The following FGGY variants were observed in gnomAD, a reference collection of about 807,000 sequenced individuals.
FGGY encodes the protein FGGY carbohydrate kinase domain-containing protein.
FGGY carries 72 observed loss-of-function variants against 71.3 expected under a neutral mutation model. That is an observed-to-expected ratio of 1.01 (90% CI 0.84 to 1.23). The LOEUF (loss-of-function observed/expected upper bound fraction) is 1.23, where lower values mean the gene tolerates loss of function less well. Among genes scored for constraint, FGGY ranks in the 50% most tolerant of loss-of-function variants. The pLI, the probability that FGGY is intolerant of heterozygous loss-of-function variation, is 0.00. For synonymous variants in FGGY, 251 were observed against 250.3 expected (o/e 1.00, Z -0.02); for missense variants, 668 against 682.3 (o/e 0.98, Z 0.23).
At chr1:59,418,357 T>G (rs2064828771) in intron 5 of FGGY, among the ~76,000 whole-genome samples, 1 of 152,194 alleles carries the variant, frequency 6.6e-6, no homozygotes, top group Non-Finnish European at 1.5e-5. Flanking sequence ...GAGAGGTTTA[T>G]TTTGCCAAGG....
intron 7 of FGGY, among the ~76,000 whole-genome samples, chr1:59,538,991 A>T (rs1393048766): frequency 6.6e-6 from 1 of 152,172 alleles, no homozygotes; most frequent in Non-Finnish European, 1.5e-5. Context: ...AACTTAAAGT[A>T]TAATAATAAT....
chr1:59,612,108 TA>T (rs369237745), intron 9 of FGGY, among the ~76,000 whole-genome samples: 169 of 152,248 alleles, frequency 1.1e-3, no homozygotes, highest in African/African-American at 4.0e-3. Context: ...CCAACCTAGC[TA>T]GGCAGACCAA....
At chr1:59,599,502 T>G (rs1283782301) in intron 8 of FGGY, among the ~76,000 whole-genome samples, 1 of 151,696 alleles carries the variant, frequency 6.6e-6, no homozygotes, top group Non-Finnish European at 1.5e-5. Flanking sequence ...CAAGACCACC[T>G]GGCCAACACT....
chr1:59,369,417 A>T (rs1395220908), intron 4 of FGGY, among the ~76,000 whole-genome samples: 1 of 152,230 alleles, frequency 6.6e-6, no homozygotes, highest in Non-Finnish European at 1.5e-5. Flanking sequence ...TGGAAGCTCA[A>T]CTGGGTGGAG....
At chr1:59,368,829 C>T (rs543575078) in intron 4 of FGGY, among the ~76,000 whole-genome samples, 159 of 152,112 alleles carry the variant, frequency 1.0e-3, no homozygotes, top group African/African-American at 3.8e-3. Context: ...TGGTGGCTCA[C>T]GCCTGTAATA....
chr1:59,755,649 AT>A (rs1341730823), intron 14 of FGGY: 1 of 152,248 alleles, frequency 6.6e-6, no homozygotes, highest in East Asian at 1.9e-4. Flanking sequence ...TTCTCAATTT[AT>A]TTTTAAAACA....
intron 5 of FGGY, among the ~76,000 whole-genome samples, chr1:59,399,422 C>T (rs543834742): frequency 4.5e-4 from 69 of 152,230 alleles, no homozygotes; most frequent in African/African-American, 1.5e-3. Flanking sequence ...TGATTATACT[C>T]ATTTTATAGA....
At chr1:59,753,011 T>A (rs937856043) in intron 14 of FGGY, among the ~76,000 whole-genome samples, 1 of 152,204 alleles carries the variant, frequency 6.6e-6, no homozygotes, top group African/African-American at 2.4e-5. Context: ...TAAAAAGCTT[T>A]CATTGTGTGG....
chr1:59,367,535 G>A (rs1358752901), intron 4 of FGGY, among the ~76,000 whole-genome samples: 1 of 152,196 alleles, frequency 6.6e-6, no homozygotes, highest in Non-Finnish European at 1.5e-5. Context: ...TTTGTTTACT[G>A]CTCACAGCAG....
chr1:59,694,374 T>C (rs907128208), intron 14 of FGGY, among the ~76,000 whole-genome samples: 9 of 152,092 alleles, frequency 5.9e-5, no homozygotes, highest in Admixed American at 5.2e-4. Flanking sequence ...AGGACCTCCA[T>C]AGTCAATGTC....
intron 1 of FGGY, chr1:59,310,101 A>C (rs1037588283): frequency 6.6e-6 from 1 of 152,122 alleles, no homozygotes; most frequent in Admixed American, 6.6e-5. Flanking sequence ...TCGCATGGAG[A>C]ATGGATTTTG....
intron 12 of FGGY, among the ~76,000 whole-genome samples, chr1:59,660,652 G>A (rs2097265936): frequency 6.6e-6 from 1 of 152,146 alleles, no homozygotes; most frequent in Non-Finnish European, 1.5e-5. Context: ...ACATTATATT[G>A]TTCACTTTGC....
At position 59,431,137 on chromosome 1, in the gene FGGY, C is replaced by G. The variant is rs545356907; in HGVS notation, c.555-25824C>G. On this transcript the variant is annotated intron_variant, in intron 5 of 15. Transcript: ENST00000303721. ...CTTTGCCTTTCCTCCAACTTCTCCCCCATGTCACCTACCTCCTCTTTTCTC... is the reference window on the plus strand; with the variant it reads ...CTTTGCCTTTCCTCCAACTTCTCCCGCATGTCACCTACCTCCTCTTTTCTC... 1.3e-3 allele frequency among the ~76,000 whole-genome samples: 203 copies of G among 152,300 alleles called. 1 individual carries two copies. Among genetic ancestry groups the G allele is most frequent in the Middle Eastern group, 6.8e-3 (2 of 294 alleles).
chr1:59,567,531 G>C (rs930075471), intron 8 of FGGY, among the ~76,000 whole-genome samples: 1 of 151,814 alleles, frequency 6.6e-6, no homozygotes, highest in Non-Finnish European at 1.5e-5. Context: ...AGCAGTCTTG[G>C]GGCTTCCATG....
chr1:59,433,720 G>GT (rs974784035), intron 5 of FGGY, among the ~76,000 whole-genome samples: 1 of 152,146 alleles, frequency 6.6e-6, no homozygotes, highest in African/African-American at 2.4e-5. Flanking sequence ...TGAGAACTCT[G>GT]TTGGAAACTC....
Position 59,594,003 on chromosome 1 carries a change from TG to T in FGGY, c.904-13794del, listed in dbSNP as rs553630444. Among the ~76,000 whole-genome samples the T allele has an allele frequency of 7.4e-4, 112 of 152,312 alleles. 1 individual carries two copies. Among genetic ancestry groups the T allele is most frequent in the Admixed American group, 6.1e-3 (93 of 15,292 alleles). On this transcript the variant is annotated intron_variant, in intron 8 of 15. Transcript: ENST00000303721. ...GCTGTAGTTCATAGCTCTGCAACCC[TG>T]GGGGGCAGCTATTATATAAACTTCT... is the stretch of plus-strand genomic sequence containing the variant.
intron 3 of FGGY, among the ~76,000 whole-genome samples, chr1:59,340,357 C>T (rs2050420341): frequency 6.6e-6 from 1 of 152,152 alleles, no homozygotes; most frequent in Non-Finnish European, 1.5e-5. Flanking sequence ...GAGTGATTAA[C>T]CTTGAAACAC....
intron 2 of FGGY, among the ~76,000 whole-genome samples, chr1:59,336,772 G>C (rs1473282765): frequency 2.0e-5 from 3 of 152,028 alleles, no homozygotes; most frequent in African/African-American, 7.2e-5. Context: ...TTTTAATGGA[G>C]TTGTGGAGAA....
intron 5 of FGGY, among the ~76,000 whole-genome samples, chr1:59,430,827 ACC>A (rs1276678839): frequency 5.5e-4 from 83 of 151,852 alleles, no homozygotes; most frequent in Non-Finnish European, 1.0e-3. Flanking sequence ...TCAGCCCTGT[ACC>A]TCTCCTGAGC....
Sources: allele counts gnomAD v4.1 joint callset (sites outside exome capture counted in the v4.1 genomes callset), GRCh38; gene constraint gnomAD v4.1.1; transcripts MANE v1.5; gene names NCBI Gene and HGNC (gene_info 2026-07-23, HGNC 2026-07-21).